MMP9: variants seen among roughly 807,000 people sequenced by gnomAD.
MMP9 encodes matrix metallopeptidase 9, also known as matrix metalloproteinase-9.
In MMP9, 73 loss-of-function variants were observed where a neutral mutation model predicts 76.4. The ratio of observed to expected loss-of-function variants is 0.96; its 90% CI spans 0.79 to 1.16. The LOEUF (loss-of-function observed/expected upper bound fraction) is 1.16, where lower values mean the gene tolerates loss of function less well. Ranked by LOEUF, MMP9 falls within the 50% of genes most tolerant of loss-of-function variation. The pLI is 0.00. For missense variants in MMP9, 943 were observed against 973.0 expected, an observed-to-expected ratio of 0.97 and a Z score of 0.41; for synonymous variants, 412 against 408.4, an observed-to-expected ratio of 1.01 and a Z score of -0.11.
chr20:46,010,121 GC>G, intron 2 of MMP9, 23 bp downstream of exon 2: 1 of 1,516,500 alleles, frequency 6.6e-7, no homozygotes, highest in Non-Finnish European at 8.9e-7. Context: ...CGTGGGGGCA[GC>G]GGGGTGGGGC....
chr20:46,010,623 G>T lies in MMP9; in HGVS notation c.512G>T (p.Gly171Val). 1 of 1,613,410 alleles carries T rather than the reference G, an allele frequency of 6.2e-7. No homozygotes were observed. Among genetic ancestry groups the T allele is most frequent in the Non-Finnish European group, 8.5e-7 (1 of 1,179,608 alleles). The change falls in exon 3 of 13, where the codon GGT becomes GTT. Residue 171 changes from glycine to valine, a missense_variant. Coordinates refer to ENST00000372330, the MANE Select transcript of MMP9 (RefSeq NM_004994.3). ...GACGCAGACATCGTCATCCAGTTTG[G>T]TGTCGCGGGTGAGAACGTGAGGAGG... ...SRDADIVIQF[G>V]VAEHGDGYPF...
At chr20:46,014,575 A>G (rs1288985035) in intron 12 of MMP9, 101 bp downstream of exon 12, 2 of 1,209,424 alleles carry the variant, frequency 1.7e-6, no homozygotes, top group African/African-American at 1.5e-5. Flanking sequence ...GGAAATGGAA[A>G]CAAATGCCCC....
Position 46,013,121 on chromosome 20 carries a change from T to G in MMP9, c.1331-134T>G. The G allele has an allele frequency of 9.6e-7, 1 of 1,038,186 alleles. No homozygotes were observed. The highest frequency in any genetic ancestry group is 1.3e-5 in the South Asian group (1 of 79,040). 64.3% of individuals were successfully genotyped at this position (1,038,186 alleles called of 1,614,324 possible). ...AAGAAGAAGAAGAAAGTCCTGTGGT[T>G]TGGGAAGGGAGGCTGAGTGAGGAGG... On this transcript the variant is annotated intron_variant, in intron 8 of 12. Transcript: ENST00000372330. The surrounding 1 kb of genome is among the most constrained non-coding windows in gnomAD (Gnocchi z 4.5).
At position 46,013,492 on chromosome 20, in the gene MMP9, C is replaced by T. The variant is rs372299611; in HGVS notation, c.1568C>T (p.Ala523Val). The change falls in exon 9 of 13, where the codon GCC becomes GTC. Residue 523 changes from alanine to valine, a missense_variant. Transcript: ENST00000372330. The surrounding 1 kb of genome is among the most constrained non-coding windows in gnomAD (Gnocchi z 4.5). ...DDACNVNIFDAIAEIGNQLYL... is the reference protein window; with the variant it reads ...DDACNVNIFDVIAEIGNQLYL... ...GCCTGCAACGTGAACATCTTCGACG[C>T]CATCGCGGAGATTGGGAACCAGCTG... is the stretch of plus-strand genomic sequence containing the variant. 1.9e-6 allele frequency: 3 copies of T among 1,614,018 alleles called. No individual in the cohort carries two copies. In the African/African-American group the frequency reaches 4.0e-5, roughly 22 times the overall value.
chr20:46,011,643 C>CAT lies in MMP9; in HGVS notation c.893_894insAT (p.Tyr299SerfsTer40). ...TTTCCATTCATCTTCCAAGGCCAAT[C>CAT]CTACTCCGCCTGCACCACGGACGGT... On this transcript the variant is annotated frameshift_variant, in exon 6 of 13. Coordinates refer to ENST00000372330, the MANE Select transcript of MMP9 (RefSeq NM_004994.3). LOFTEE classifies it high-confidence loss of function. 6.2e-7 allele frequency: 1 copy of CAT among 1,614,056 alleles called. No homozygotes were observed.
At chr20:46,011,887 C>G in intron 6 of MMP9, 140 bp downstream of exon 6, 4 of 1,135,522 alleles carry the variant, frequency 3.5e-6, no homozygotes, top group Non-Finnish European at 5.1e-6. Flanking sequence ...CCACCTACAC[C>G]ACATTTCCAC....
intron 5 of MMP9, 29 bp from the exon 6 acceptor site, chr20:46,011,545 C>T: frequency 6.2e-7 from 1 of 1,613,756 alleles, no homozygotes; most frequent in Non-Finnish European, 8.5e-7. Flanking sequence ...TCCGCCTTCT[C>T]CCCCTTTCCC....
In MMP9 at chr20:46,013,196, T is replaced by C; in HGVS notation, c.1331-59T>C. 1 of 1,605,202 alleles carries C rather than the reference T, an allele frequency of 6.2e-7. No homozygotes were observed. The highest frequency in any genetic ancestry group is 1.7e-5 in the Admixed American group (1 of 59,998). On this transcript the variant is annotated intron_variant, in intron 8 of 12. Transcript: ENST00000372330. This position sits in a 1 kb window ranked among gnomAD's most constrained non-coding sequence, Gnocchi z 4.5. ...ACTGAGAAGCTTAGGGGAGCAGATG[T>C]TCTAGGGGTACAGAGGTATGCAGGA...
Position 46,016,443 on chromosome 20 carries a change from G to A in MMP9, c.*75G>A, listed in dbSNP as rs1458005063. 3.8e-5 allele frequency: 44 copies of A among 1,166,418 alleles called. No individual in the cohort carries two copies. The highest frequency in any genetic ancestry group is 5.4e-5 in the Non-Finnish European group (42 of 772,552). 72.3% of individuals were successfully genotyped at this position (1,166,418 alleles called of 1,614,324 possible). ...CCCTGGGGAAGGAGCCAGTTTGCCG[G>A]ATACAAACTGGTATTCTGTTCTGGA... On this transcript the variant is annotated 3_prime_UTR_variant, in exon 13 of 13. Transcript: ENST00000372330.
In MMP9 at chr20:46,013,076, G is replaced by T. The variant is rs1056706859; in HGVS notation, c.1331-179G>T. Among the ~76,000 whole-genome samples, 4 of 152,122 alleles carry T rather than the reference G, an allele frequency of 2.6e-5. No individual in the cohort carries two copies. Among genetic ancestry groups the T allele is most frequent in the Non-Finnish European group, 4.4e-5 (3 of 68,050 alleles). On this transcript the variant is annotated intron_variant, in intron 8 of 12. Transcript: ENST00000372330. The surrounding 1 kb of genome is among the most constrained non-coding windows in gnomAD (Gnocchi z 4.5). ...ACTGCATTCCATCCTGGGCCATAGAGGATGTCGCTTAAAACGAAAAAGAAG... is the reference window on the plus strand; with the variant it reads ...ACTGCATTCCATCCTGGGCCATAGATGATGTCGCTTAAAACGAAAAAGAAG...
In MMP9 at chr20:46,013,443, G is replaced by A; in HGVS notation, c.1519G>A (p.Val507Met). 1 of 1,614,018 alleles carries A rather than the reference G, an allele frequency of 6.2e-7. No individual in the cohort carries two copies. Among genetic ancestry groups the A allele is most frequent in the Non-Finnish European group, 8.5e-7 (1 of 1,179,998 alleles). The part of the protein sequence containing the change: ...PTAGPSTATT[V>M]PLSPVDDACN... The stretch of plus-strand genomic sequence containing the variant: ...TGCTGGCCCTTCTACGGCCACTACT[G>A]TGCCTTTGAGTCCGGTGGACGATGC... The change falls in exon 9 of 13, where the codon GTG becomes ATG. Residue 507 changes from valine to methionine, a missense_variant. Transcript: ENST00000372330. The surrounding 1 kb of genome is among the most constrained non-coding windows in gnomAD (Gnocchi z 4.5).
At position 46,014,371 on chromosome 20, in the gene MMP9, G is replaced by A; in HGVS notation, c.1902G>A (p.Arg634=). The change falls in exon 12 of 13, where the codon AGG becomes AGA. Residue 634 remains arginine (R), a splice_region_variant and synonymous_variant. Coordinates refer to ENST00000372330, the MANE Select transcript of MMP9 (RefSeq NM_004994.3). ...CTGTCTCCTCCGCGCCTGCCCGCAGGTTCGACGTGAAGGCGCAGATGGTGG... is the reference window on the plus strand; with the variant it reads ...CTGTCTCCTCCGCGCCTGCCCGCAGATTCGACGTGAAGGCGCAGATGGTGG... ...MLLFSGRRLW[R]FDVKAQMVDP... 3.9e-6 allele frequency: 6 copies of A among 1,547,702 alleles called. No individual in the cohort carries two copies. The highest frequency in any genetic ancestry group is 4.4e-6 in the Non-Finnish European group (5 of 1,146,956).
At chr20:46,012,637 G>A in intron 8 of MMP9, 55 bp downstream of exon 8, 1 of 1,445,102 alleles carries the variant, frequency 6.9e-7, no homozygotes, top group Non-Finnish European at 9.5e-7. Flanking sequence ...CTGTGCCACA[G>A]TACCAAAGAA....
rs767440904 is a variant in MMP9, at chr20:46,013,568, G to A, written c.1610+34G>A. 1.2e-4 allele frequency: 197 copies of A among 1,611,898 alleles called. No individual in the cohort carries two copies. The highest frequency in any genetic ancestry group is 1.6e-4 in the Non-Finnish European group (191 of 1,178,590). On this transcript the variant is annotated intron_variant, in intron 9 of 12. Coordinates refer to ENST00000372330, the MANE Select transcript of MMP9 (RefSeq NM_004994.3). The surrounding 1 kb of genome is among the most constrained non-coding windows in gnomAD (Gnocchi z 4.5). The stretch of plus-strand genomic sequence containing the variant: ...GCGGGGTTGTGTGGATGCGGGAGGG[G>A]GCTTTGCGGAGGGGCTGCCCGTCCC...
rs1167774814 is a variant in MMP9, at chr20:46,011,742, C to T, written c.992C>T (p.Thr331Ile). 4 of 1,610,968 alleles carry T rather than the reference C, an allele frequency of 2.5e-6. No homozygotes were observed. The highest frequency in any genetic ancestry group is 3.4e-6 in the Non-Finnish European group (4 of 1,179,754). ...DRDKLFGFCP[T>I]RADSTVMGGN... is the part of the protein sequence containing the mutation. The stretch of plus-strand genomic sequence containing the variant: ...GACAAGCTCTTCGGCTTCTGCCCGA[C>T]CCGAGGTACCTCCACCCTGTCTACC... The change falls in exon 6 of 13, where the codon ACC becomes ATC. Residue 331 changes from threonine (T) to isoleucine (I), a missense_variant. Physicochemically the swap from Thr to Ile is moderately conservative, Grantham distance 89. Coordinates refer to ENST00000372330, the MANE Select transcript of MMP9 (RefSeq NM_004994.3).
In MMP9 at chr20:46,013,194, T is replaced by C; in HGVS notation, c.1331-61T>C. The C allele has an allele frequency of 6.2e-7, 1 of 1,602,700 alleles. No individual in the cohort carries two copies. Among genetic ancestry groups the C allele is most frequent in the Non-Finnish European group, 8.5e-7 (1 of 1,170,086 alleles). On this transcript the variant is annotated intron_variant, in intron 8 of 12. Coordinates refer to ENST00000372330, the MANE Select transcript of MMP9 (RefSeq NM_004994.3). The surrounding 1 kb of genome is among the most constrained non-coding windows in gnomAD (Gnocchi z 4.5). ...TCACTGAGAAGCTTAGGGGAGCAGA[T>C]GTTCTAGGGGTACAGAGGTATGCAG...
At chr20:46,011,551 T>C in intron 5 of MMP9, 23 bp from the exon 6 acceptor site, 1 of 1,613,970 alleles carries the variant, frequency 6.2e-7, no homozygotes, top group African/African-American at 1.3e-5. Context: ...TTCTCCCCCT[T>C]TCCCACATCC....
Position 46,013,674 on chromosome 20 carries a change from C to CT in MMP9, c.1629dup (p.Glu544Ter), listed in dbSNP as rs1293136469. On this transcript the variant is annotated frameshift_variant, in exon 10 of 13. Coordinates refer to ENST00000372330, the MANE Select transcript of MMP9 (RefSeq NM_004994.3). LOFTEE classifies it high-confidence loss of function. This position sits in a 1 kb window ranked among gnomAD's most constrained non-coding sequence, Gnocchi z 4.5. ...TTTCTCAGGAAGTACTGGCGATTCT[C>CT]TGAGGGCAGGGGGAGCCGGCCGCAG... The CT allele has an allele frequency of 1.2e-6, 2 of 1,613,996 alleles. No homozygotes were observed. Among genetic ancestry groups the CT allele is most frequent in the East Asian group, 4.5e-5 (2 of 44,890 alleles).
intron 8 of MMP9, among the ~76,000 whole-genome samples, chr20:46,012,818 C>A (rs2084292440): frequency 6.6e-6 from 1 of 152,218 alleles, no homozygotes; most frequent in Non-Finnish European, 1.5e-5. Context: ...CTACTCTGGG[C>A]ATGGTGGCTC....
Sources: allele counts gnomAD v4.1 joint callset (sites outside exome capture counted in the v4.1 genomes callset), GRCh38; gene constraint gnomAD v4.1.1; non-coding constraint Gnocchi (gnomAD v3.1); transcripts MANE v1.5; gene names NCBI Gene and HGNC (gene_info 2026-07-23, HGNC 2026-07-21).